Variants in AGBL1 observed in about 807,000 individuals in gnomAD.
AGBL1 encodes cytosolic carboxypeptidase 4.
AGBL1 carries 130 observed loss-of-function variants against 118.9 expected under a neutral mutation model. That is an observed-to-expected ratio of 1.09 (90% CI 0.95 to 1.26). The LOEUF is 1.26. Ranked by LOEUF, AGBL1 falls within the 50% of genes most tolerant of loss-of-function variation. The probability of loss-of-function intolerance (pLI) is 0.00; values close to 1 mark genes in which losing one functional copy is unlikely to be tolerated. For synonymous variants in AGBL1, 555 were observed against 478.9 expected (o/e 1.16, Z -2.08); for missense variants, 1,584 against 1,298.1 (o/e 1.22, Z -3.38).
intron 21 of AGBL1, among the ~76,000 whole-genome samples, chr15:86,634,476 T>C (rs976622325): frequency 6.6e-6 from 1 of 152,116 alleles, no homozygotes; most frequent in Non-Finnish European, 1.5e-5. Context: ...TAAAGCACAA[T>C]TCTATTTATA....
intron 21 of AGBL1, among the ~76,000 whole-genome samples, chr15:86,586,493 A>C (rs547867073): frequency 1.2e-4 from 18 of 152,310 alleles, no homozygotes; most frequent in Middle Eastern, 3.4e-3. Flanking sequence ...AACATGTCCA[A>C]GGTCACACAG....
intron 21 of AGBL1, among the ~76,000 whole-genome samples, chr15:86,592,740 T>G (rs1038655068): frequency 4.6e-5 from 7 of 152,238 alleles, no homozygotes; most frequent in Non-Finnish European, 8.8e-5. Context: ...ATCAGAATGC[T>G]GCTGATCACC....
intron 21 of AGBL1, among the ~76,000 whole-genome samples, chr15:86,619,208 A>G (rs1402744799): frequency 1.3e-5 from 2 of 152,166 alleles, no homozygotes; most frequent in Admixed American, 1.3e-4. Context: ...CAAGCATATA[A>G]TAAGTACTCA....
intron 16 of AGBL1, among the ~76,000 whole-genome samples, chr15:86,289,005 CTTTAA>C (rs2079501684): frequency 6.6e-6 from 1 of 152,068 alleles, no homozygotes; most frequent in African/African-American, 2.4e-5. Flanking sequence ...GCCATGCTTG[CTTTAA>C]TTTATGTTTG....
chr15:86,387,679 A>G (rs2081217254), intron 17 of AGBL1, among the ~76,000 whole-genome samples: 1 of 152,212 alleles, frequency 6.6e-6, no homozygotes. Context: ...ATTATCCTTC[A>G]ATCAGTTTCC....
chr15:86,538,566 C>A (rs2083455175), intron 19 of AGBL1, among the ~76,000 whole-genome samples: 1 of 152,210 alleles, frequency 6.6e-6, no homozygotes, highest in Non-Finnish European at 1.5e-5. Context: ...CAAGCTGGAA[C>A]CTCCAGGGCT....
At chr15:86,478,216 T>C (rs1334182559) in intron 18 of AGBL1, among the ~76,000 whole-genome samples, 1 of 152,168 alleles carries the variant, frequency 6.6e-6, no homozygotes, top group African/African-American at 2.4e-5. Context: ...AACATAGTGT[T>C]GGAAGTTCTG....
At chr15:86,933,720 G>A (rs768238410) in intron 23 of AGBL1, among the ~76,000 whole-genome samples, 2 of 152,114 alleles carry the variant, frequency 1.3e-5, no homozygotes, top group Non-Finnish European at 2.9e-5. Context: ...CCCACTTTCC[G>A]TGTATCCGGT....
intron 18 of AGBL1, among the ~76,000 whole-genome samples, chr15:86,434,400 G>T (rs2069514290): frequency 6.6e-6 from 1 of 152,228 alleles, no homozygotes; most frequent in Admixed American, 6.5e-5. Flanking sequence ...GAGAAGAGAT[G>T]CTGAGAGGAA....
At chr15:86,472,854 G>A (rs1295003790) in intron 18 of AGBL1, among the ~76,000 whole-genome samples, 1 of 152,202 alleles carries the variant, frequency 6.6e-6, no homozygotes, top group South Asian at 2.1e-4. Context: ...AAAAGGCAAA[G>A]GTTGCAGTGA....
chr15:86,280,969 T>A (rs531784666), intron 16 of AGBL1, among the ~76,000 whole-genome samples: 1 of 152,232 alleles, frequency 6.6e-6, no homozygotes, highest in Non-Finnish European at 1.5e-5. Context: ...CAAGCTAGGC[T>A]GTAACAAGCC....
At chr15:86,945,467 G>C (rs973935661) in intron 23 of AGBL1, among the ~76,000 whole-genome samples, 3 of 151,792 alleles carry the variant, frequency 2.0e-5, no homozygotes, top group Non-Finnish European at 4.4e-5. Context: ...AGAGGGGATT[G>C]AGAACAGCCT....
At chr15:86,643,119 C>T (rs747374013) in intron 21 of AGBL1, among the ~76,000 whole-genome samples, 51 of 152,246 alleles carry the variant, frequency 3.3e-4, no homozygotes, top group Non-Finnish European at 6.0e-4. Context: ...TCAGTCATCA[C>T]ATTTTGTAGT....
chr15:86,598,938 T>C (rs2084449855), intron 21 of AGBL1, among the ~76,000 whole-genome samples: 1 of 152,002 alleles, frequency 6.6e-6, no homozygotes, highest in Admixed American at 6.6e-5. Context: ...CTACTGAATG[T>C]TTTCCAGAGT....
intron 6 of AGBL1, among the ~76,000 whole-genome samples, chr15:86,230,835 G>C (rs2078443788): frequency 6.6e-6 from 1 of 152,166 alleles, no homozygotes. Flanking sequence ...TGCAGTTTTT[G>C]AGTAGAGAGC....
intron 22 of AGBL1, among the ~76,000 whole-genome samples, chr15:86,755,892 C>T (rs1373573464): frequency 6.6e-6 from 1 of 152,082 alleles, no homozygotes; most frequent in Non-Finnish European, 1.5e-5. Context: ...GGCAATCAGT[C>T]AGATTGTGCA....
At chr15:86,807,115 G>A (rs1334858643) in intron 22 of AGBL1, among the ~76,000 whole-genome samples, 1 of 152,100 alleles carries the variant, frequency 6.6e-6, no homozygotes, top group African/African-American at 2.4e-5. Context: ...GTCCAAGTTA[G>A]TTGATCTTGA....
At chr15:86,966,209 CA>C (rs1484775827) in intron 23 of AGBL1, among the ~76,000 whole-genome samples, 1 of 148,240 alleles carries the variant, frequency 6.7e-6, no homozygotes, top group African/African-American at 2.5e-5. Context: ...CAAAACAAAA[CA>C]AAAATGTGAA....
intron 21 of AGBL1, among the ~76,000 whole-genome samples, chr15:86,612,437 C>T (rs968904538): frequency 8.0e-5 from 3 of 37,452 alleles, no homozygotes; most frequent in South Asian, 6.2e-4. Context: ...ATGATGGGGT[C>T]GGGGGAGGGG....
Sources: gnomAD v4.1 joint callset for allele counts (sites outside exome capture counted in the v4.1 genomes callset) on GRCh38, gnomAD v4.1.1 for gene constraint, MANE v1.5 for transcripts, NCBI Gene and HGNC (gene_info 2026-07-23, HGNC 2026-07-21) for gene names.